Variants in ATP8A2 observed in about 807,000 individuals in gnomAD.
ATP8A2 encodes ATPase phospholipid transporting 8A2, also known as phospholipid-transporting ATPase IB.
ATP8A2 carries 100 observed loss-of-function variants against 165.6 expected under a neutral mutation model. That is an observed-to-expected ratio of 0.60 (90% CI 0.51 to 0.71). The LOEUF is 0.71. Among genes scored for constraint, ATP8A2 ranks in the 30% least tolerant of loss-of-function variants. The probability of loss-of-function intolerance (pLI) is 0.00; values close to 1 mark genes in which losing one functional copy is unlikely to be tolerated. For missense variants in ATP8A2, 1,227 were observed against 1,479.5 expected (o/e 0.83, Z 2.80); for synonymous variants, 543 against 548.8 (o/e 0.99, Z 0.15).
At chr13:25,479,994 A>C (rs980333975) in intron 2 of ATP8A2, among the ~76,000 whole-genome samples, 1 of 152,162 alleles carries the variant, frequency 6.6e-6, no homozygotes, top group Non-Finnish European at 1.5e-5. Context: ...CCCGTTCTCA[A>C]TGAGCTGTTG....
intron 1 of ATP8A2, among the ~76,000 whole-genome samples, chr13:25,386,082 A>C (rs1429208749): frequency 1.3e-5 from 2 of 151,870 alleles, no homozygotes; most frequent in African/African-American, 4.8e-5. Context: ...CACCTGGCTA[A>C]TTTTTGTATT....
chr13:25,918,492 T>C (rs1954333292), intron 33 of ATP8A2, among the ~76,000 whole-genome samples: 1 of 152,118 alleles, frequency 6.6e-6, no homozygotes, highest in Non-Finnish European at 1.5e-5. Flanking sequence ...CATCCAACAG[T>C]GAAAAACCAA....
At chr13:25,862,210 C>A in intron 32 of ATP8A2, 91 bp from the exon 33 acceptor site, 1 of 838,146 alleles carries the variant, frequency 1.2e-6, no homozygotes, top group Non-Finnish European at 2.0e-6. Context: ...GGAAAGGTAG[C>A]TTGGATGCAA....
At position 25,456,145 on chromosome 13, in the gene ATP8A2, G is replaced by A. The variant is rs114816267; in HGVS notation, c.77-12832G>A. On this transcript the variant is annotated intron_variant, in intron 1 of 36. Transcript: ENST00000381655. ...CTTCTCCATCTTTACCCTTTGCTTT[G>A]GAAGCTTTTAGATGAATCCCAGTTG... Among the ~76,000 whole-genome samples, 1,175 of 152,208 alleles carry A rather than the reference G, an allele frequency of 7.7e-3. 13 individuals are homozygous for A. Among genetic ancestry groups the A allele is most frequent in the African/African-American group, 0.026 (1,094 of 41,530 alleles).
chr13:25,731,902 T>C lies in ATP8A2; in HGVS notation c.2384+32557T>C, dbSNP rs78329293. ...ATTGAAGGTCTTCGAAAGCTTAAGCTCTGAAAATGGAAGTGGTTGATTTGA... is the reference window on the plus strand; with the variant it reads ...ATTGAAGGTCTTCGAAAGCTTAAGCCCTGAAAATGGAAGTGGTTGATTTGA... On this transcript the variant is annotated intron_variant, in intron 25 of 36. Transcript: ENST00000381655. Among the ~76,000 whole-genome samples the C allele has an allele frequency of 4.8e-3, 724 of 152,302 alleles. 26 individuals are homozygous for C. The East Asian group carries it at 0.11, about 22-fold the overall frequency.
intron 24 of ATP8A2, among the ~76,000 whole-genome samples, chr13:25,697,235 G>T (rs1845094865): frequency 6.6e-6 from 1 of 152,158 alleles, no homozygotes; most frequent in Non-Finnish European, 1.5e-5. Context: ...TGAAGTAGAA[G>T]AGATGTGTAT....
chr13:25,471,546 T>C (rs2035847262), intron 2 of ATP8A2, among the ~76,000 whole-genome samples: 1 of 152,192 alleles, frequency 6.6e-6, no homozygotes. Flanking sequence ...CTTCGCCATG[T>C]TGGCCAGGCT....
At chr13:25,959,244 T>G (rs1955601346) in intron 33 of ATP8A2, among the ~76,000 whole-genome samples, 1 of 152,198 alleles carries the variant, frequency 6.6e-6, no homozygotes, top group South Asian at 2.1e-4. Context: ...AAAATACATG[T>G]GTTCTGTAGA....
intron 33 of ATP8A2, among the ~76,000 whole-genome samples, chr13:25,901,637 T>C (rs1953749696): frequency 6.6e-6 from 1 of 152,234 alleles, no homozygotes; most frequent in African/African-American, 2.4e-5. Context: ...CAGAGTAGTT[T>C]CAAAGGCCAG....
chr13:25,516,655 T>G (rs913429781), intron 2 of ATP8A2, among the ~76,000 whole-genome samples: 2 of 152,186 alleles, frequency 1.3e-5, no homozygotes, highest in Non-Finnish European at 2.9e-5. Context: ...AATTGAAAAT[T>G]GAGAAGAATC....
Position 25,860,150 on chromosome 13 carries a change from A to G in ATP8A2, c.2957-45A>G, listed in dbSNP as rs746114774. On this transcript the variant is annotated intron_variant, in intron 30 of 36. Coordinates refer to ENST00000381655, the MANE Select transcript of ATP8A2 (RefSeq NM_016529.6). ...AATGCTCTGAGTTAAATAGGTGGCC[A>G]TGCTCAGCTTCTTGGATGTTAATAG... The G allele has an allele frequency of 3.5e-5, 47 of 1,348,912 alleles. No individual in the cohort carries two copies. In the African/African-American group the frequency reaches 5.4e-4, roughly 16 times the overall value. 83.6% of individuals were successfully genotyped at this position (1,348,912 alleles called of 1,614,324 possible). A position where few individuals can be genotyped will look rare whatever the true frequency, so the allele number is the denominator to read the frequency against.
In ATP8A2 at chr13:25,663,598, C is replaced by G. The variant is rs77955053; in HGVS notation, c.2212-35575C>G. Among the ~76,000 whole-genome samples the G allele has an allele frequency of 7.9e-5, 12 of 152,298 alleles. No individual in the cohort carries two copies. In the East Asian group the frequency reaches 2.1e-3, roughly 27 times the overall value. On this transcript the variant is annotated intron_variant, in intron 24 of 36. Transcript: ENST00000381655. ...ATCCGACATTATCTGTTTCAAGGAT[C>G]GCAGACCAGCTACTTTTTCTGAACT...
chr13:25,561,796 C>T (rs2039164315), intron 15 of ATP8A2, among the ~76,000 whole-genome samples: 3 of 152,162 alleles, frequency 2.0e-5, no homozygotes, highest in Admixed American at 2.0e-4. Flanking sequence ...GCCTCCAGAC[C>T]CTAGTAACCA....
In ATP8A2 at chr13:25,559,714, C is replaced by T. The variant is rs2039084890; in HGVS notation, c.1353-7C>T. On this transcript the variant is annotated splice_polypyrimidine_tract_variant and splice_region_variant and intron_variant, in intron 14 of 36. Transcript: ENST00000381655. ...TGTGACCACTCTGTTTTCCGTTTCT[C>T]TGGCAGTCACTTCCCAGAATTGGCA... The T allele has an allele frequency of 1.9e-6, 3 of 1,612,736 alleles. No individual in the cohort carries two copies. The East Asian group carries it at 6.7e-5, about 36-fold the overall frequency.
At chr13:25,447,467 G>A (rs1174230347) in intron 1 of ATP8A2, among the ~76,000 whole-genome samples, 1 of 152,166 alleles carries the variant, frequency 6.6e-6, no homozygotes, top group East Asian at 1.9e-4. Flanking sequence ...TTACTTGGCT[G>A]CCATGCTGAA....
In ATP8A2 at chr13:25,538,959, A is replaced by G. The variant is rs1413756108; in HGVS notation, c.581+898A>G. ...CAGGGCAGGATTTATGTTTGTCCAT[A>G]TTGATTGACAACAAAGAAACCGTTA... On this transcript the variant is annotated intron_variant, in intron 7 of 36. Coordinates refer to ENST00000381655, the MANE Select transcript of ATP8A2 (RefSeq NM_016529.6). 2.6e-5 allele frequency among the ~76,000 whole-genome samples: 4 copies of G among 152,112 alleles called. No individual in the cohort carries two copies. In the East Asian group the frequency reaches 7.7e-4, roughly 29 times the overall value.
At chr13:25,872,457 G>A (rs543205628) in intron 33 of ATP8A2, among the ~76,000 whole-genome samples, 6 of 152,152 alleles carry the variant, frequency 3.9e-5, no homozygotes, top group South Asian at 2.1e-4. Context: ...AGATATTGTC[G>A]TTCTATAGCA....
intron 28 of ATP8A2, among the ~76,000 whole-genome samples, chr13:25,828,688 C>T (rs1289048621): frequency 6.6e-6 from 1 of 152,174 alleles, no homozygotes; most frequent in Non-Finnish European, 1.5e-5. Flanking sequence ...TTCTGACTTC[C>T]AGCTACTGTG....
intron 24 of ATP8A2, among the ~76,000 whole-genome samples, chr13:25,613,626 C>T (rs1006741364): frequency 6.6e-6 from 1 of 152,118 alleles, no homozygotes; most frequent in Non-Finnish European, 1.5e-5. Flanking sequence ...TCTTGTAGTG[C>T]TGGATTGGTA....
Sources: gnomAD v4.1 joint callset for allele counts (sites outside exome capture counted in the v4.1 genomes callset) on GRCh38, gnomAD v4.1.1 for gene constraint, MANE v1.5 for transcripts, NCBI Gene and HGNC (gene_info 2026-07-23, HGNC 2026-07-21) for gene names.